Variants in KLRF1 observed in about 807,000 individuals in gnomAD.
KLRF1 encodes killer cell lectin like receptor F1, also known as killer cell lectin-like receptor subfamily F member 1.
Under a neutral mutation model 30.7 loss-of-function variants are expected in KLRF1, and 27 were observed. The observed-to-expected ratio is 0.88, with a 90% confidence interval of 0.65 to 1.21. The LOEUF is 1.21. KLRF1 is among the 50% of genes most tolerant of loss of function. The pLI, the probability that KLRF1 is intolerant of heterozygous loss-of-function variation, is 0.00. For missense variants in KLRF1, 246 were observed against 259.3 expected (o/e 0.95, Z 0.35); for synonymous variants, 92 against 89.3 (o/e 1.03, Z -0.17).
the KLRF1 span, chr12:9,817,461 G>T: frequency 2.3e-6 from 1 of 438,930 alleles, no homozygotes; most frequent in Non-Finnish European, 4.3e-6. Context: ...TAGATTCTCT[G>T]AACCAGTTCA....
chr12:9,832,410 G>A lies in KLRF1; in HGVS notation c.180G>A (p.Leu60=), dbSNP rs1440092057. ...CTTTGACTTTGATCTCCTTGATCCTGTTGGGTAAGTTTAGAAGATCTTAAT... is the reference window on the plus strand; with the variant it reads ...CTTTGACTTTGATCTCCTTGATCCTATTGGGTAAGTTTAGAAGATCTTAAT... ...ILTLTLISLI[L]LVSQGVLLKC... is the part of the protein sequence containing the mutation. Residue 60 remains leucine (L), a synonymous_variant, in exon 2 of 6, where the codon CTG becomes CTA. Coordinates refer to ENST00000617889, the MANE Select transcript of KLRF1 (RefSeq NM_016523.3). 6 of 1,554,286 alleles carry A rather than the reference G, an allele frequency of 3.9e-6. No individual in the cohort carries two copies. Among genetic ancestry groups the A allele is most frequent in the Non-Finnish European group, 5.3e-6 (6 of 1,127,194 alleles).
upstream of KLRF1, among the ~76,000 whole-genome samples, chr12:9,824,099 G>T (rs1163866445): frequency 2.0e-5 from 3 of 152,044 alleles, no homozygotes; most frequent in Non-Finnish European, 4.4e-5. Flanking sequence ...GAGTTGAAAG[G>T]ACTCCTCCCT....
At chr12:9,804,864 G>T in the KLRF1 span, among the ~76,000 whole-genome samples, 81 of 152,024 alleles carry the variant, frequency 5.3e-4, no homozygotes, top group African/African-American at 1.9e-3. Flanking sequence ...TTATATGTCA[G>T]TTGGGAAGAT....
At chr12:9,818,780 T>G in the KLRF1 span, among the ~76,000 whole-genome samples, 451 of 152,336 alleles carry the variant, frequency 3.0e-3, 3 homozygotes, top group African/African-American at 0.01. Flanking sequence ...AAATTGTCAG[T>G]ATTTTTTTGT....
At chr12:9,816,109 G>A in the KLRF1 span, among the ~76,000 whole-genome samples, 3 of 152,162 alleles carry the variant, frequency 2.0e-5, no homozygotes, top group Admixed American at 6.5e-5. Context: ...GAGCCACTGC[G>A]CCTGGCCACA....
intron 3 of KLRF1, among the ~76,000 whole-genome samples, chr12:9,837,106 C>T (rs183649889): frequency 3.9e-5 from 6 of 152,090 alleles, no homozygotes; most frequent in Admixed American, 3.9e-4. Flanking sequence ...ACCCAACAAG[C>T]AAATCACTCT....
In KLRF1 at chr12:9,831,506, G is replaced by A. The variant is rs1867427371; in HGVS notation, c.86-810G>A. Among the ~76,000 whole-genome samples, 3 of 152,096 alleles carry A rather than the reference G, an allele frequency of 2.0e-5. No individual in the cohort carries two copies. The South Asian group carries it at 6.2e-4, about 32-fold the overall frequency. ...AATAAGAATAATTTCGGTTACAATA[G>A]AGGATTCTTATCAATTATTATGATA... On this transcript the variant is annotated intron_variant, in intron 1 of 5. Transcript: ENST00000617889.
the KLRF1 span, among the ~76,000 whole-genome samples, chr12:9,812,393 T>C: frequency 1.4e-5 from 2 of 140,498 alleles, no homozygotes; most frequent in Non-Finnish European, 3.1e-5. Flanking sequence ...AAAAAAAAGA[T>C]TGGGTTCTTT....
chr12:9,844,489 C>T lies in KLRF1; in HGVS notation c.659C>T (p.Thr220Ile). 6.2e-7 allele frequency: 1 copy of T among 1,608,758 alleles called. No homozygotes were observed. The highest frequency in any genetic ancestry group is 8.5e-7 in the Non-Finnish European group (1 of 1,176,036). ...AAGGAAAGCAAAATTTTCTCTGAAA[C>T]CTGCAGCAGTGTTTTCAAATGGATT... ...AIKESKIFSE[T>I]CSSVFKWICQ... is the part of the protein sequence containing the mutation. Residue 220 changes from threonine (T) to isoleucine (I), a missense_variant, in exon 6 of 6, where the codon ACC becomes ATC. Transcript: ENST00000617889.
At chr12:9,827,881 C>T (rs1298226180) in intron 1 of KLRF1, among the ~76,000 whole-genome samples, 1 of 152,114 alleles carries the variant, frequency 6.6e-6, no homozygotes, top group Non-Finnish European at 1.5e-5. Context: ...TTTAATCTTA[C>T]AAATTTACTA....
chr12:9,802,131 T>C, the KLRF1 span, among the ~76,000 whole-genome samples: 1 of 152,040 alleles, frequency 6.6e-6, no homozygotes, highest in African/African-American at 2.4e-5. Context: ...TCAAAAAGCT[T>C]ATCCATCACA....
chr12:9,810,741 A>C, the KLRF1 span, among the ~76,000 whole-genome samples: 1 of 152,244 alleles, frequency 6.6e-6, no homozygotes, highest in Non-Finnish European at 1.5e-5. Context: ...CTTTCAGAGC[A>C]CATTAAGAGT....
At chr12:9,805,902 G>A in the KLRF1 span, among the ~76,000 whole-genome samples, 1 of 151,686 alleles carries the variant, frequency 6.6e-6, no homozygotes. Context: ...GATTTTGGTG[G>A]TATTTTCCGT....
At chr12:9,844,157 G>A (rs1402407333) in intron 5 of KLRF1, among the ~76,000 whole-genome samples, 1 of 152,050 alleles carries the variant, frequency 6.6e-6, no homozygotes, top group East Asian at 1.9e-4. Flanking sequence ...ACTACATGGG[G>A]CAAGAGGAGG....
Position 9,827,562 on chromosome 12 carries a change from A to T in KLRF1, c.18A>T (p.Arg6Ser). 2 of 1,605,012 alleles carry T rather than the reference A, an allele frequency of 1.2e-6. No homozygotes were observed. The highest frequency in any genetic ancestry group is 1.7e-6 in the Non-Finnish European group (2 of 1,173,122). The change falls in exon 1 of 6, where the codon AGA (arginine) becomes AGT (serine). Residue 6 changes from arginine to serine, a missense_variant. Coordinates refer to ENST00000617889, the MANE Select transcript of KLRF1 (RefSeq NM_016523.3). Reference sequence around the variant, plus strand: ...CATTGAAGATGCAAGATGAAGAAAGATACATGACATTGAATGTACAGTCAA... The same window carrying T: ...CATTGAAGATGCAAGATGAAGAAAGTTACATGACATTGAATGTACAGTCAA... Reference protein sequence around the residue: MQDEERYMTLNVQSKK... With the variant: MQDEESYMTLNVQSKK...
intron 5 of KLRF1, among the ~76,000 whole-genome samples, chr12:9,842,911 T>C (rs1229173799): frequency 2.0e-5 from 3 of 152,118 alleles, no homozygotes; most frequent in African/African-American, 7.2e-5. Context: ...AAATATTTAA[T>C]TAAAAATATA....
At chr12:9,839,992 A>G (rs117331634) in intron 3 of KLRF1, among the ~76,000 whole-genome samples, 4 of 152,264 alleles carry the variant, frequency 2.6e-5, no homozygotes, top group Non-Finnish European at 5.9e-5. Flanking sequence ...CACTACATAC[A>G]TGTTATGAAA....
At chr12:9,826,462 G>A (rs1212258529), upstream of KLRF1, among the ~76,000 whole-genome samples, 1 of 152,146 alleles carries the variant, frequency 6.6e-6, no homozygotes, top group Non-Finnish European at 1.5e-5. Flanking sequence ...CATTATGAAA[G>A]ATAGCATGGT....
At chr12:9,832,170 T>C (rs1467670718) in intron 1 of KLRF1, 146 bp from the exon 2 acceptor site, 6 of 509,430 alleles carry the variant, frequency 1.2e-5, no homozygotes, top group African/African-American at 1.9e-5. Context: ...TATATTTTTC[T>C]ATTTACTTAG....
Sources: allele counts gnomAD v4.1 joint callset (sites outside exome capture counted in the v4.1 genomes callset), GRCh38; gene constraint gnomAD v4.1.1; transcripts MANE v1.5; gene names NCBI Gene and HGNC (gene_info 2026-07-23, HGNC 2026-07-21).